Variants in NBEA observed in about 807,000 individuals in gnomAD.
NBEA encodes the protein lysosomal-trafficking regulator 2.
Under a neutral mutation model 343.4 loss-of-function variants are expected in NBEA, and 44 were observed. That is an observed-to-expected ratio of 0.13 (90% CI 0.10 to 0.16). The LOEUF (loss-of-function observed/expected upper bound fraction) is 0.16. NBEA is among the 10% of genes least tolerant of loss of function. The pLI, the probability that NBEA is intolerant of heterozygous loss-of-function variation, is 1.00. For missense variants in NBEA, 2,555 were observed against 3,631.3 expected (o/e 0.70, Z 7.62); for synonymous variants, 1,175 against 1,238.7 (o/e 0.95, Z 1.08).
intron 34 of NBEA, among the ~76,000 whole-genome samples, chr13:35,239,791 C>T (rs1000680030): frequency 1.3e-5 from 2 of 151,894 alleles, no homozygotes; most frequent in African/African-American, 4.8e-5. Flanking sequence ...TCCATATTTA[C>T]TATTAAAATA....
intron 38 of NBEA, among the ~76,000 whole-genome samples, chr13:35,423,741 A>G (rs1289123134): frequency 2.0e-5 from 3 of 152,154 alleles, no homozygotes; most frequent in Non-Finnish European, 2.9e-5. Flanking sequence ...TACCTTGGGC[A>G]GTATGGCCAT....
intron 36 of NBEA, among the ~76,000 whole-genome samples, chr13:35,338,909 T>C (rs1484412683): frequency 6.6e-6 from 1 of 152,044 alleles, no homozygotes; most frequent in Admixed American, 6.6e-5. Flanking sequence ...CATGATCACA[T>C]CTTAATAGAT....
At chr13:35,553,372 G>A (rs2079433316) in intron 43 of NBEA, among the ~76,000 whole-genome samples, 1 of 151,882 alleles carries the variant, frequency 6.6e-6, no homozygotes, top group African/African-American at 2.4e-5. Flanking sequence ...TCAGTTTTAT[G>A]TACTTCCCTA....
intron 34 of NBEA, among the ~76,000 whole-genome samples, chr13:35,289,485 G>A (rs1467848668): frequency 2.6e-5 from 4 of 151,672 alleles, no homozygotes; most frequent in African/African-American, 7.3e-5. Flanking sequence ...TTGGCACTTC[G>A]AAAAACTACC....
At chr13:35,430,959 A>G (rs2045067517) in intron 38 of NBEA, among the ~76,000 whole-genome samples, 1 of 152,098 alleles carries the variant, frequency 6.6e-6, no homozygotes, top group South Asian at 2.1e-4. Context: ...AAGACTTACA[A>G]TTTTAGTTCT....
chr13:35,164,352 T>G lies in NBEA; in HGVS notation c.4080-4T>G. 1.3e-6 allele frequency: 2 copies of G among 1,571,834 alleles called. No homozygotes were observed. Among genetic ancestry groups the G allele is most frequent in the South Asian group, 1.2e-5 (1 of 85,716 alleles). On this transcript the variant is annotated splice_polypyrimidine_tract_variant and splice_region_variant and intron_variant, in intron 23 of 58. Coordinates refer to ENST00000379939, the MANE Select transcript of NBEA (RefSeq NM_001385012.1). ...CATACTCATTTCTGTTTTCTGTATT[T>G]TAGCCATTCTACAAAGTCTGTAATG...
chr13:35,247,145 A>G (rs1299906086), intron 34 of NBEA, among the ~76,000 whole-genome samples: 1 of 152,106 alleles, frequency 6.6e-6, no homozygotes, highest in Admixed American at 6.5e-5. Flanking sequence ...TGCCTCTCCC[A>G]ACAGCATCAA....
chr13:35,603,623 A>G (rs1475654740), intron 47 of NBEA, among the ~76,000 whole-genome samples: 1 of 152,204 alleles, frequency 6.6e-6, no homozygotes, highest in Non-Finnish European at 1.5e-5. Context: ...ATATTTTGCT[A>G]TGTACATGTA....
At position 35,096,296 on chromosome 13, in the gene NBEA, A is replaced by G. The variant is rs540737268; in HGVS notation, c.1572-2001A>G. Among the ~76,000 whole-genome samples the G allele has an allele frequency of 8.6e-5, 13 of 151,694 alleles. No homozygotes were observed. The South Asian group carries it at 1.0e-3, about 12-fold the overall frequency. On this transcript the variant is annotated intron_variant, in intron 10 of 58. Coordinates refer to ENST00000379939, the MANE Select transcript of NBEA (RefSeq NM_001385012.1). The stretch of plus-strand genomic sequence containing the variant: ...GTTAGTGAATGCATTTGACATTTCA[A>G]TTGGTGTCCTGGTTAATATTGAAGT...
At chr13:35,446,798 C>T (rs2046072280) in intron 39 of NBEA, among the ~76,000 whole-genome samples, 1 of 151,884 alleles carries the variant, frequency 6.6e-6, no homozygotes, top group Non-Finnish European at 1.5e-5. Flanking sequence ...GATAGATACA[C>T]ATATATACCT....
At chr13:35,254,371 T>A (rs1322260366) in intron 34 of NBEA, among the ~76,000 whole-genome samples, 1 of 150,626 alleles carries the variant, frequency 6.6e-6, no homozygotes, top group Non-Finnish European at 1.5e-5. Flanking sequence ...GTTAACAGGC[T>A]GGAGTGCAGT....
intron 34 of NBEA, among the ~76,000 whole-genome samples, chr13:35,234,607 A>G (rs1400166614): frequency 6.6e-6 from 1 of 152,172 alleles, no homozygotes. Flanking sequence ...TGCAGGGCAC[A>G]TATTCTTCTA....
chr13:34,951,260 A>G (rs113195190), intron 1 of NBEA, among the ~76,000 whole-genome samples: 2,405 of 152,302 alleles, frequency 0.016, 67 homozygotes, highest in African/African-American at 0.049. Context: ...TTATTTTTAC[A>G]TCCATGTTAT....
intron 39 of NBEA, among the ~76,000 whole-genome samples, chr13:35,443,938 A>G (rs1369840961): frequency 6.6e-6 from 1 of 151,908 alleles, no homozygotes; most frequent in Non-Finnish European, 1.5e-5. Flanking sequence ...TATTATCGTA[A>G]TTTGTTTCTT....
intron 10 of NBEA, among the ~76,000 whole-genome samples, chr13:35,085,439 C>A (rs924185774): frequency 1.3e-5 from 2 of 152,112 alleles, no homozygotes; most frequent in African/African-American, 4.8e-5. Context: ...ATATGCAAAT[C>A]AATAAATGTA....
intron 36 of NBEA, among the ~76,000 whole-genome samples, chr13:35,329,560 AT>A (rs2038796089): frequency 6.6e-6 from 1 of 152,044 alleles, no homozygotes; most frequent in African/African-American, 2.4e-5. Context: ...GAACTTAAAA[AT>A]GCTTATGTGA....
chr13:35,359,859 TGA>T (rs966357307), intron 38 of NBEA, among the ~76,000 whole-genome samples: 3 of 149,554 alleles, frequency 2.0e-5, no homozygotes, highest in South Asian at 2.1e-4. Flanking sequence ...TGTGTGTGTG[TGA>T]GATCTCAGTT....
chr13:35,135,920 C>G (rs903780661), intron 17 of NBEA, among the ~76,000 whole-genome samples: 7 of 151,794 alleles, frequency 4.6e-5, no homozygotes, highest in East Asian at 1.9e-4. Context: ...CCCCTCCCCC[C>G]TCAAAAAAAA....
At chr13:35,525,537 G>T (rs1438069130) in intron 41 of NBEA, among the ~76,000 whole-genome samples, 2 of 152,004 alleles carry the variant, frequency 1.3e-5, no homozygotes, top group African/African-American at 4.8e-5. Context: ...TGCATGACAG[G>T]AGCAAGATTC....
Sources: allele counts gnomAD v4.1 joint callset (sites outside exome capture counted in the v4.1 genomes callset), GRCh38; gene constraint gnomAD v4.1.1; transcripts MANE v1.5; gene names NCBI Gene and HGNC (gene_info 2026-07-23, HGNC 2026-07-21).